The following SLC25A33 variants were observed in gnomAD, a reference collection of about 807,000 sequenced individuals.
The protein encoded by SLC25A33 is bone marrow stromal cell mitochondrial carrier protein.
SLC25A33 carries 15 observed loss-of-function variants against 35.5 expected under a neutral mutation model. The observed-to-expected ratio is 0.42, with a 90% CI of 0.28 to 0.65. SLC25A33 has a LOEUF of 0.65. Among genes scored for constraint, SLC25A33 ranks in the 30% least tolerant of loss-of-function variants. SLC25A33 has a pLI of 0.20. For synonymous variants in SLC25A33, 136 were observed against 148.7 expected (o/e 0.91, Z 0.62); for missense variants, 257 against 398.5 (o/e 0.64, Z 3.02).
At chr1:9,539,772 G>C in intron 1 of SLC25A33, 25 bp downstream of exon 1, 3 of 1,352,282 alleles carry the variant, frequency 2.2e-6, no homozygotes, top group Non-Finnish European at 2.9e-6. Flanking sequence ...CCAGCCGCGC[G>C]CGCCCCACCG....
intron 1 of SLC25A33, among the ~76,000 whole-genome samples, chr1:9,548,398 A>T (rs967735129): frequency 6.6e-6 from 1 of 152,180 alleles, no homozygotes; most frequent in African/African-American, 2.4e-5. Context: ...CCTGGCCAAC[A>T]TGGTGAAACC....
intron 4 of SLC25A33, among the ~76,000 whole-genome samples, chr1:9,571,794 A>G (rs1174051240): frequency 2.0e-5 from 3 of 152,118 alleles, no homozygotes; most frequent in East Asian, 3.8e-4. Context: ...GCATGCCACC[A>G]TGCCCAGCTA....
At chr1:9,543,235 C>G (rs1569837988) in intron 1 of SLC25A33, among the ~76,000 whole-genome samples, 1 of 151,918 alleles carries the variant, frequency 6.6e-6, no homozygotes, top group East Asian at 1.9e-4. Flanking sequence ...CCTCTACCTC[C>G]TGGGTTCAAG....
At chr1:9,559,667 C>A (rs1014895592) in intron 2 of SLC25A33, among the ~76,000 whole-genome samples, 2 of 152,024 alleles carry the variant, frequency 1.3e-5, no homozygotes, top group Non-Finnish European at 2.9e-5. Context: ...TCAGGACTTA[C>A]ATAAAAACAA....
At chr1:9,541,660 T>G (rs1322109039) in intron 1 of SLC25A33, among the ~76,000 whole-genome samples, 1 of 151,564 alleles carries the variant, frequency 6.6e-6, no homozygotes, top group Non-Finnish European at 1.5e-5. Flanking sequence ...AAATTTGTCT[T>G]TCTTGGGAAT....
intron 4 of SLC25A33, among the ~76,000 whole-genome samples, chr1:9,572,167 G>T (rs551023127): frequency 6.6e-6 from 1 of 152,308 alleles, no homozygotes; most frequent in East Asian, 1.9e-4. Context: ...GCTCTGAGGA[G>T]GAAAGGCAGA....
chr1:9,577,564 C>T (rs922131695), intron 5 of SLC25A33, among the ~76,000 whole-genome samples: 8 of 152,050 alleles, frequency 5.3e-5, no homozygotes, highest in African/African-American at 1.9e-4. Context: ...GCGTGTAGTA[C>T]GTGCATCTGC....
intron 1 of SLC25A33, among the ~76,000 whole-genome samples, chr1:9,550,847 T>C (rs1289998559): frequency 6.6e-6 from 1 of 151,746 alleles, no homozygotes; most frequent in East Asian, 2.0e-4. Context: ...AATTTTTTAA[T>C]GTGTATTCTT....
At chr1:9,557,668 G>C (rs1381992231) in intron 2 of SLC25A33, among the ~76,000 whole-genome samples, 1 of 152,216 alleles carries the variant, frequency 6.6e-6, no homozygotes, top group African/African-American at 2.4e-5. Flanking sequence ...GGGCAAGAGT[G>C]TGTTCAAGAC....
Position 9,567,276 on chromosome 1 carries a change from T to C in SLC25A33, c.237-8T>C, listed in dbSNP as rs780054403. The C allele has an allele frequency of 6.2e-7, 1 of 1,613,426 alleles. No homozygotes were observed. Among genetic ancestry groups the C allele is most frequent in the South Asian group, 1.1e-5 (1 of 90,846 alleles). On this transcript the variant is annotated splice_region_variant and splice_polypyrimidine_tract_variant and intron_variant, in intron 2 of 6. Transcript: ENST00000302692. ...GGTTTTAAAGGTTTGTCTTTTCTTA[T>C]TATTCAGGTCGATCTTGGAGAAAGA...
At chr1:9,575,540 G>A (rs149042041) in intron 5 of SLC25A33, among the ~76,000 whole-genome samples, 2,825 of 151,348 alleles carry the variant, frequency 0.019, 100 homozygotes, top group African/African-American at 0.064. Flanking sequence ...ACTTGAACCC[G>A]GGAGGTGGAG....
chr1:9,568,759 G>A (rs1402729522), intron 3 of SLC25A33, among the ~76,000 whole-genome samples: 1 of 152,006 alleles, frequency 6.6e-6, no homozygotes, highest in Non-Finnish European at 1.5e-5. Flanking sequence ...GCTAAGGCAG[G>A]AGAATGGCAT....
intron 2 of SLC25A33, among the ~76,000 whole-genome samples, chr1:9,556,699 GTC>G (rs919296562): frequency 2.0e-5 from 3 of 151,426 alleles, no homozygotes; most frequent in Admixed American, 6.6e-5. Flanking sequence ...GTGTGTGTGT[GTC>G]TGTGTGTGTG....
In SLC25A33 at chr1:9,553,785, T is replaced by C. The variant is rs1483481252; in HGVS notation, c.216T>C (p.Pro72=). The change falls in exon 2 of 7, where the codon CCT becomes CCC. Residue 72 remains proline (P), a synonymous_variant. Coordinates refer to ENST00000302692, the MANE Select transcript of SLC25A33 (RefSeq NM_032315.3). ...TGGTGAGACCAACATCCGTGACACCTGGACTCTTTCAGGTTCTGAAGTAAG... is the reference window on the plus strand; with the variant it reads ...TGGTGAGACCAACATCCGTGACACCCGGACTCTTTCAGGTTCTGAAGTAAG... ...AGMVRPTSVT[P]GLFQVLKSIL... 1 of 1,614,092 alleles carries C rather than the reference T, an allele frequency of 6.2e-7. No homozygotes were observed. Among genetic ancestry groups the C allele is most frequent in the Admixed American group, 1.7e-5 (1 of 59,984 alleles).
chr1:9,567,372 A>G lies in SLC25A33; in HGVS notation c.314+11A>G. 2 of 1,612,576 alleles carry G rather than the reference A, an allele frequency of 1.2e-6. No individual in the cohort carries two copies. Among genetic ancestry groups the G allele is most frequent in the South Asian group, 2.2e-5 (2 of 90,672 alleles). ...AGTTGCACCATCAAGGTAAGCATTA[A>G]ACTTTCCAGCTAGCTCATGCTAAGC... On this transcript the variant is annotated intron_variant, in intron 3 of 6. Transcript: ENST00000302692.
intron 5 of SLC25A33, 30 bp downstream of exon 5, chr1:9,573,442 A>G: frequency 6.3e-7 from 1 of 1,590,760 alleles, no homozygotes; most frequent in Non-Finnish European, 8.6e-7. Flanking sequence ...TTCCTTAATG[A>G]AAGGATTTTT....
At chr1:9,560,740 A>C (rs1440459753) in intron 2 of SLC25A33, among the ~76,000 whole-genome samples, 1 of 151,466 alleles carries the variant, frequency 6.6e-6, no homozygotes, top group Non-Finnish European at 1.5e-5. Flanking sequence ...TCTCTATTGA[A>C]GAACCTATCT....
At chr1:9,571,911 G>T (rs1342031005) in intron 4 of SLC25A33, among the ~76,000 whole-genome samples, 2 of 152,152 alleles carry the variant, frequency 1.3e-5, no homozygotes, top group Non-Finnish European at 2.9e-5. Context: ...AGAGTGCTGG[G>T]ATCGCAGGCA....
intron 6 of SLC25A33, among the ~76,000 whole-genome samples, chr1:9,581,376 C>T (rs1290582360): frequency 6.6e-6 from 1 of 152,148 alleles, no homozygotes; most frequent in African/African-American, 2.4e-5. Flanking sequence ...TACAAATTAG[C>T]ATTTGCTTAA....
Sources: allele counts gnomAD v4.1 joint callset (sites outside exome capture counted in the v4.1 genomes callset), GRCh38; gene constraint gnomAD v4.1.1; transcripts MANE v1.5; gene names NCBI Gene and HGNC (gene_info 2026-07-23, HGNC 2026-07-21).